Variants in ATAD2B observed in about 807,000 individuals in gnomAD.
ATAD2B encodes ATPase family AAA domain-containing protein 2B.
Under a neutral mutation model 167.6 loss-of-function variants are expected in ATAD2B, and 40 were observed. The ratio of observed to expected loss-of-function variants is 0.24; its 90% CI spans 0.19 to 0.31. ATAD2B has a LOEUF of 0.31. Among genes scored for constraint, ATAD2B ranks in the 10% least tolerant of loss-of-function variants. The probability of loss-of-function intolerance (pLI) is 1.00; values close to 1 mark genes in which losing one functional copy is unlikely to be tolerated. For missense variants in ATAD2B, 1,242 were observed against 1,757.2 expected (o/e 0.71, Z 5.24); for synonymous variants, 579 against 596.5 (o/e 0.97, Z 0.43).
At chr2:23,900,261 C>A (rs1367896520) in intron 1 of ATAD2B, among the ~76,000 whole-genome samples, 1 of 151,254 alleles carries the variant, frequency 6.6e-6, no homozygotes, top group Admixed American at 6.6e-5. Flanking sequence ...TTATTTGAGA[C>A]AGAGTCTCAT....
At chr2:23,892,270 T>C (rs1558747709) in intron 2 of ATAD2B, among the ~76,000 whole-genome samples, 1 of 152,132 alleles carries the variant, frequency 6.6e-6, no homozygotes, top group Non-Finnish European at 1.5e-5. Flanking sequence ...TTCACGCCAT[T>C]CTCCTGCCTC....
At chr2:23,870,947 T>C (rs1240082134) in intron 8 of ATAD2B, among the ~76,000 whole-genome samples, 1 of 152,114 alleles carries the variant, frequency 6.6e-6, no homozygotes, top group Non-Finnish European at 1.5e-5. Context: ...TTAGTATAAC[T>C]CATGACATCG....
chr2:23,833,770 A>G (rs1464311012), intron 14 of ATAD2B, 149 bp downstream of exon 14: 2 of 652,770 alleles, frequency 3.1e-6, no homozygotes, highest in Admixed American at 3.5e-5. Flanking sequence ...AAACTGTTCC[A>G]TAATTACATA....
chr2:23,890,987 A>C (rs560607590), intron 2 of ATAD2B, among the ~76,000 whole-genome samples: 213 of 152,122 alleles, frequency 1.4e-3, no homozygotes, highest in Non-Finnish European at 2.9e-3. Context: ...GACATGAAAT[A>C]CATGAGTATA....
chr2:23,822,623 G>C (rs554175618), intron 16 of ATAD2B, among the ~76,000 whole-genome samples: 1 of 150,434 alleles, frequency 6.6e-6, no homozygotes, highest in South Asian at 2.1e-4. Flanking sequence ...AGCCTGTTAA[G>C]AGGATTAACA....
intron 22 of ATAD2B, among the ~76,000 whole-genome samples, chr2:23,772,829 C>CA (rs752607386): frequency 3.3e-5 from 5 of 152,294 alleles, no homozygotes; most frequent in South Asian, 4.1e-4. Context: ...CTCCTGGCCT[C>CA]AAACAGTCCT....
Position 23,888,410 on chromosome 2 carries a change from A to G in ATAD2B, c.369-11T>C, listed in dbSNP as rs1355973421. On this transcript the variant is annotated splice_polypyrimidine_tract_variant and intron_variant, in intron 2 of 27. Transcript: ENST00000238789. ...GGCTGAGAAGTTAACCTAGAACACA[A>G]TAATATTTAATATGCAAACACATCA... 6.6e-7 allele frequency: 1 copy of G among 1,526,430 alleles called. No individual in the cohort carries two copies. The allele number at this position is 1,526,430 out of a possible 1,614,324, so 94.6% of individuals were successfully genotyped here.
At position 23,895,909 on chromosome 2, in the gene ATAD2B, A is replaced by G. The variant is rs1442845012; in HGVS notation, c.278T>C (p.Leu93Ser). Residue 93 changes from leucine to serine, a missense_variant, in exon 2 of 28, where the codon TTG becomes TCG. By Grantham distance (145) the Leu-to-Ser change is moderately radical. This residue lies in a region of ATAD2B where 199 missense variants were observed against 194.9 expected (regional missense o/e 1.02). Coordinates refer to ENST00000238789, the MANE Select transcript of ATAD2B (RefSeq NM_017552.4). The stretch of plus-strand genomic sequence containing the variant: ...TTTGCAAACAGAATCAGGTTGTTTC[A>G]AAGTGCGTTTGGCTGGAGGAGATAC... ...SHVSPPAKRT[L>S]KQPDSVCKDK... is the part of the protein sequence containing the mutation. 6.2e-7 allele frequency: 1 copy of G among 1,613,490 alleles called. No homozygotes were observed. Among genetic ancestry groups the G allele is most frequent in the Admixed American group, 1.7e-5 (1 of 59,994 alleles).
chr2:23,736,441 C>T, the ATAD2B span, among the ~76,000 whole-genome samples: 63 of 152,054 alleles, frequency 4.1e-4, no homozygotes, highest in Non-Finnish European at 9.0e-4. Context: ...GGAAAAGCAA[C>T]TTGGAGGAAA....
At chr2:23,783,313 C>A (rs943270093) in intron 21 of ATAD2B, among the ~76,000 whole-genome samples, 4 of 146,420 alleles carry the variant, frequency 2.7e-5, no homozygotes, top group Admixed American at 6.8e-5. Flanking sequence ...ATCCTTCGGG[C>A]ATATCCGGGA....
chr2:23,713,698 TAAC>T, the ATAD2B span, among the ~76,000 whole-genome samples: 1 of 152,208 alleles, frequency 6.6e-6, no homozygotes, highest in Non-Finnish European at 1.5e-5. Flanking sequence ...TTCTTTCACT[TAAC>T]AAAGTATTCT....
At chr2:23,791,212 T>C (rs1253065107) in intron 19 of ATAD2B, among the ~76,000 whole-genome samples, 3 of 152,248 alleles carry the variant, frequency 2.0e-5, no homozygotes, top group Non-Finnish European at 4.4e-5. Flanking sequence ...GTTTCCACTT[T>C]TTGCTAGTAT....
At chr2:23,837,766 G>A (rs1038131231) in intron 13 of ATAD2B, among the ~76,000 whole-genome samples, 6 of 152,300 alleles carry the variant, frequency 3.9e-5, no homozygotes, top group Admixed American at 6.5e-5. Context: ...TGTATATGAC[G>A]CTTTAGTTTC....
the ATAD2B span, among the ~76,000 whole-genome samples, chr2:23,683,815 G>A: frequency 6.6e-6 from 1 of 152,286 alleles, no homozygotes; most frequent in East Asian, 1.9e-4. Context: ...CCCCACAAGT[G>A]TGAAACAGAA....
chr2:23,821,262 C>T (rs1687401532), intron 16 of ATAD2B, among the ~76,000 whole-genome samples: 1 of 152,062 alleles, frequency 6.6e-6, no homozygotes, highest in South Asian at 2.1e-4. Context: ...TGGTAATTCA[C>T]AAATGGAGAT....
At chr2:23,757,319 A>G in intron 25 of ATAD2B, 99 bp downstream of exon 25, 1 of 903,544 alleles carries the variant, frequency 1.1e-6, no homozygotes, top group African/African-American at 1.7e-5. Context: ...GAGGGGTATA[A>G]TTATTCATCA....
At chr2:23,701,180 T>A in the ATAD2B span, among the ~76,000 whole-genome samples, 14 of 28,970 alleles carry the variant, frequency 4.8e-4, no homozygotes, top group Admixed American at 1.8e-3. Context: ...CCCTGAACCA[T>A]CCTTGGCAAC....
At chr2:23,769,770 C>T (rs1287062421) in intron 22 of ATAD2B, among the ~76,000 whole-genome samples, 2 of 136,514 alleles carry the variant, frequency 1.5e-5, no homozygotes, top group East Asian at 2.2e-4. Context: ...GGCTGGAGTG[C>T]AGTGGCATAA....
chr2:23,883,392 C>G (rs1175902768), intron 6 of ATAD2B, among the ~76,000 whole-genome samples: 1 of 150,610 alleles, frequency 6.6e-6, no homozygotes, highest in Non-Finnish European at 1.5e-5. Flanking sequence ...TCAACAAATA[C>G]AGTATTTATC....
Sources: gnomAD v4.1 joint callset for allele counts (sites outside exome capture counted in the v4.1 genomes callset) on GRCh38, gnomAD v4.1.1 for gene constraint, gnomAD v4.1.1 regional missense constraint, MANE v1.5 for transcripts, NCBI Gene and HGNC (gene_info 2026-07-23, HGNC 2026-07-21) for gene names.